The following TENM3 variants were observed in gnomAD, a reference collection of about 807,000 sequenced individuals.
TENM3 encodes teneurin transmembrane protein 3, also known as teneurin-3.
A neutral mutation model predicts 255.1 loss-of-function variants in TENM3; 63 were observed. The observed-to-expected ratio is 0.25, with a 90% CI of 0.20 to 0.30. The LOEUF is 0.30. Ranked by LOEUF, TENM3 falls within the 10% of genes least tolerant of loss-of-function variation. The probability of loss-of-function intolerance (pLI) is 1.00; values close to 1 mark genes in which losing one functional copy is unlikely to be tolerated. For missense variants in TENM3, 2,929 were observed against 3,461.1 expected (o/e 0.85, Z 3.86); for synonymous variants, 1,306 against 1,322.3 (o/e 0.99, Z 0.27).
the TENM3 span, among the ~76,000 whole-genome samples, chr4:181,786,899 G>A: frequency 0.042 from 6,446 of 152,148 alleles, 164 homozygotes; most frequent in South Asian, 0.096. Context: ...TGTGACAACC[G>A]TAAGACATAA....
intron 3 of TENM3, among the ~76,000 whole-genome samples, chr4:182,483,652 T>C (rs1734415448): frequency 6.6e-6 from 1 of 152,186 alleles, no homozygotes; most frequent in Non-Finnish European, 1.5e-5. Flanking sequence ...TGTGTATTAG[T>C]CTGTTCTCAC....
At chr4:182,014,713 G>A in the TENM3 span, among the ~76,000 whole-genome samples, 1 of 152,064 alleles carries the variant, frequency 6.6e-6, no homozygotes, top group Non-Finnish European at 1.5e-5. Flanking sequence ...TGGGGCACTG[G>A]GGAAGCGTTT....
chr4:182,288,734 T>G (rs1028565979), intron 1 of TENM3, among the ~76,000 whole-genome samples: 7 of 152,276 alleles, frequency 4.6e-5, no homozygotes, highest in African/African-American at 1.7e-4. Context: ...GGAACTGAAA[T>G]TAGCTGCTGT....
chr4:182,604,927 T>C (rs1748261503), intron 4 of TENM3, among the ~76,000 whole-genome samples: 1 of 152,220 alleles, frequency 6.6e-6, no homozygotes, highest in East Asian at 1.9e-4. Flanking sequence ...GCCGCATTAA[T>C]GTGAGATCAA....
chr4:182,676,912 A>G (rs1221180390), intron 7 of TENM3, among the ~76,000 whole-genome samples: 1 of 152,034 alleles, frequency 6.6e-6, no homozygotes, highest in African/African-American at 2.4e-5. Context: ...TTGTCTCACG[A>G]TGGCTCCCGC....
the TENM3 span, among the ~76,000 whole-genome samples, chr4:181,985,400 T>C: frequency 6.6e-6 from 1 of 151,994 alleles, no homozygotes; most frequent in Non-Finnish European, 1.5e-5. Flanking sequence ...TTTACTGATA[T>C]CAGGTCATTA....
At chr4:182,406,938 G>A (rs1050273309) in intron 3 of TENM3, among the ~76,000 whole-genome samples, 2 of 152,172 alleles carry the variant, frequency 1.3e-5, no homozygotes, top group South Asian at 2.1e-4. Flanking sequence ...GGAGGGCAAC[G>A]AAACGAACTT....
the TENM3 span, among the ~76,000 whole-genome samples, chr4:181,840,354 C>T: frequency 6.6e-6 from 1 of 152,078 alleles, no homozygotes; most frequent in Non-Finnish European, 1.5e-5. Flanking sequence ...TTTGGAACTT[C>T]TACTGGCTTT....
At chr4:182,324,645 C>T (rs1763277684) in intron 2 of TENM3, among the ~76,000 whole-genome samples, 1 of 152,154 alleles carries the variant, frequency 6.6e-6, no homozygotes, top group South Asian at 2.1e-4. Context: ...AGAACAGGAG[C>T]TGTTGGTGAA....
the TENM3 span, among the ~76,000 whole-genome samples, chr4:181,572,097 A>C: frequency 6.6e-6 from 1 of 152,216 alleles, no homozygotes; most frequent in African/African-American, 2.4e-5. Context: ...TGTTCTGATA[A>C]AATATGAAAT....
the TENM3 span, among the ~76,000 whole-genome samples, chr4:182,077,838 G>A: frequency 6.6e-6 from 1 of 152,126 alleles, no homozygotes; most frequent in Non-Finnish European, 1.5e-5. Context: ...CTGGGTGGGA[G>A]GGGGCGTGGC....
intron 3 of TENM3, among the ~76,000 whole-genome samples, chr4:182,506,412 G>T (rs909254324): frequency 1.3e-5 from 2 of 152,080 alleles, no homozygotes; most frequent in East Asian, 3.9e-4. Context: ...TTTAAATAAC[G>T]ATTAAATAAT....
intron 3 of TENM3, among the ~76,000 whole-genome samples, chr4:182,557,951 C>T (rs1742739115): frequency 6.6e-6 from 1 of 152,204 alleles, no homozygotes; most frequent in Admixed American, 6.5e-5. Context: ...TCCTAGTTTA[C>T]TTCCCGCTTG....
the TENM3 span, among the ~76,000 whole-genome samples, chr4:182,018,021 A>G: frequency 6.6e-6 from 1 of 152,022 alleles, no homozygotes; most frequent in Non-Finnish European, 1.5e-5. Flanking sequence ...AAAATACATT[A>G]TATTATATAT....
chr4:181,534,464 C>CT, the TENM3 span, among the ~76,000 whole-genome samples: 1 of 101,574 alleles, frequency 9.8e-6, no homozygotes. Context: ...TCCCTGAGGT[C>CT]TTCCCCCCCC....
At chr4:182,583,578 C>T (rs1414189257) in intron 3 of TENM3, among the ~76,000 whole-genome samples, 3 of 151,752 alleles carry the variant, frequency 2.0e-5, no homozygotes, top group South Asian at 4.2e-4. Flanking sequence ...ATATAAGAAT[C>T]GTCTTCTTTT....
the TENM3 span, among the ~76,000 whole-genome samples, chr4:181,558,478 A>G: frequency 6.6e-6 from 1 of 152,360 alleles, no homozygotes; most frequent in Non-Finnish European, 1.5e-5. Flanking sequence ...TGAACTATTC[A>G]ATACGGGATT....
intron 6 of TENM3, among the ~76,000 whole-genome samples, chr4:182,665,787 T>C (rs1459103104): frequency 1.3e-5 from 2 of 152,018 alleles, no homozygotes; most frequent in East Asian, 1.9e-4. Context: ...TCCCAGCTAC[T>C]CAGGAGGCTG....
At chr4:182,478,559 A>G (rs1213261466) in intron 3 of TENM3, among the ~76,000 whole-genome samples, 1 of 151,932 alleles carries the variant, frequency 6.6e-6, no homozygotes, top group Non-Finnish European at 1.5e-5. Context: ...AGTCTTCCCA[A>G]TCACAGGCTT....
Sources: allele counts gnomAD v4.1 joint callset (sites outside exome capture counted in the v4.1 genomes callset), GRCh38; gene constraint gnomAD v4.1.1; transcripts MANE v1.5; gene names NCBI Gene and HGNC (gene_info 2026-07-23, HGNC 2026-07-21).